SNX13: variants seen among roughly 807,000 people sequenced by gnomAD.
SNX13 encodes the protein sorting nexin-13.
Under a neutral mutation model 133.6 loss-of-function variants are expected in SNX13, and 45 were observed. That is an observed-to-expected ratio of 0.34 (90% confidence interval 0.27 to 0.43). The LOEUF (loss-of-function observed/expected upper bound fraction) is 0.43, where lower values mean the gene tolerates loss of function less well. Among genes scored for constraint, SNX13 ranks in the 20% least tolerant of loss-of-function variants. The pLI is 1.00. For missense variants in SNX13, 1,032 were observed against 1,145.1 expected, an observed-to-expected ratio of 0.90 and a Z score of 1.43; for synonymous variants, 414 against 373.9, an observed-to-expected ratio of 1.11 and a Z score of -1.24.
chr7:17,845,478 T>C (rs1790406116), intron 12 of SNX13, 117 bp downstream of exon 12: 1 of 633,668 alleles, frequency 1.6e-6, no homozygotes, highest in African/African-American at 1.9e-5. Flanking sequence ...ACATTTAATA[T>C]CACTGAACTA....
intron 13 of SNX13, among the ~76,000 whole-genome samples, chr7:17,836,464 AT>A (rs1441914248): frequency 6.6e-6 from 1 of 152,000 alleles, no homozygotes; most frequent in Admixed American, 6.6e-5. Flanking sequence ...GTGCAGTGAG[AT>A]TATGCACTCC....
Position 17,794,033 on chromosome 7 carries a change from T to A in SNX13, c.*12A>T, listed in dbSNP as rs374059307. The A allele has an allele frequency of 1.2e-6, 2 of 1,609,530 alleles. No homozygotes were observed. The highest frequency in any genetic ancestry group is 1.7e-6 in the Non-Finnish European group (2 of 1,177,304). Reference sequence around the variant, plus strand: ...CTGGACAAAATGAACACCAGCTTCATAGAGTGGAGTGTCACCTTTTCTGCA... The same window carrying A: ...CTGGACAAAATGAACACCAGCTTCAAAGAGTGGAGTGTCACCTTTTCTGCA... On this transcript the variant is annotated 3_prime_UTR_variant, in exon 26 of 26. Transcript: ENST00000428135.
At chr7:17,806,074 G>A (rs55819885) in intron 20 of SNX13, among the ~76,000 whole-genome samples, 24,745 of 152,156 alleles carry the variant, frequency 0.16, 2,168 homozygotes, top group South Asian at 0.23. Flanking sequence ...CCAGCTAAGT[G>A]TACACTTAGC....
At position 17,934,074 on chromosome 7, in the gene SNX13, T is replaced by C. The variant is rs566495206; in HGVS notation, c.12+6210A>G. 5.9e-5 allele frequency among the ~76,000 whole-genome samples: 9 copies of C among 152,338 alleles called. No homozygotes were observed. In the South Asian group the frequency reaches 1.7e-3, roughly 28 times the overall value. ...TGTTGCCATATGTATAATTTGTTGA[T>C]AGACACAGTATTTATCACTATCACT... On this transcript the variant is annotated intron_variant, in intron 1 of 25. Transcript: ENST00000428135.
chr7:17,927,488 T>A (rs1349586560), intron 1 of SNX13, among the ~76,000 whole-genome samples: 1 of 151,970 alleles, frequency 6.6e-6, no homozygotes, highest in East Asian at 1.9e-4. Flanking sequence ...AGCAATCCTT[T>A]CACCTCAGCC....
chr7:17,857,044 G>A (rs986687376), intron 9 of SNX13, among the ~76,000 whole-genome samples: 31 of 152,070 alleles, frequency 2.0e-4, no homozygotes, highest in African/African-American at 7.5e-4. Flanking sequence ...AATCAGAGAT[G>A]AAAATGGATA....
intron 1 of SNX13, among the ~76,000 whole-genome samples, chr7:17,926,046 G>C (rs1447111668): frequency 1.3e-5 from 2 of 152,118 alleles, no homozygotes; most frequent in Admixed American, 6.5e-5. Flanking sequence ...ATTTTAAAAA[G>C]TGACATAATA....
At position 17,820,363 on chromosome 7, in the gene SNX13, A is replaced by G. The variant is rs7805385; in HGVS notation, c.1845+1146T>C. On this transcript the variant is annotated intron_variant, in intron 18 of 25. Coordinates refer to ENST00000428135, the MANE Select transcript of SNX13 (RefSeq NM_015132.5). Reference sequence around the variant, plus strand: ...GCTATATGCTTTTAAAATATCAAACAGGTAATATTTTAAAAAGTAAAGCAA... The same window carrying G: ...GCTATATGCTTTTAAAATATCAAACGGGTAATATTTTAAAAAGTAAAGCAA... Among the ~76,000 whole-genome samples the G allele has an allele frequency of 3.8e-3, 562 of 149,408 alleles. 5 individuals carry two copies. Among genetic ancestry groups the G allele is most frequent in the African/African-American group, 0.014 (537 of 38,844 alleles).
intron 13 of SNX13, among the ~76,000 whole-genome samples, chr7:17,838,746 T>C (rs1434201276): frequency 6.6e-6 from 1 of 151,870 alleles, no homozygotes; most frequent in Non-Finnish European, 1.5e-5. Flanking sequence ...AATTTTCAAT[T>C]ATTTGTAGTT....
chr7:17,937,727 A>C (rs1802277402), intron 1 of SNX13, among the ~76,000 whole-genome samples: 1 of 152,202 alleles, frequency 6.6e-6, no homozygotes, highest in Admixed American at 6.5e-5. Flanking sequence ...CACAATGTGG[A>C]ATAAGAGGAC....
intron 12 of SNX13, among the ~76,000 whole-genome samples, chr7:17,843,570 G>C (rs990136492): frequency 6.6e-6 from 1 of 151,902 alleles, no homozygotes. Context: ...CAATATACCA[G>C]GTAGATTTAA....
chr7:17,912,316 A>G (rs1799069160), intron 1 of SNX13, among the ~76,000 whole-genome samples: 1 of 152,162 alleles, frequency 6.6e-6, no homozygotes, highest in South Asian at 2.1e-4. Flanking sequence ...TCTCCCAAAC[A>G]CTGACACTAA....
intron 2 of SNX13, among the ~76,000 whole-genome samples, chr7:17,894,985 T>C (rs1472571215): frequency 1.3e-5 from 2 of 152,222 alleles, no homozygotes; most frequent in Non-Finnish European, 2.9e-5. Flanking sequence ...TCAGAATTAC[T>C]GCTAAATGTC....
chr7:17,809,282 C>CAAAAAAAAAAAAAAAAAA (rs535077123), intron 20 of SNX13, among the ~76,000 whole-genome samples: 2 of 49,274 alleles, frequency 4.1e-5, no homozygotes, highest in African/African-American at 8.1e-5. Flanking sequence ...AGATGGAAAG[C>CAAAAAAAAAAAAAAAAAA]AAAAAAAAAA....
intron 1 of SNX13, among the ~76,000 whole-genome samples, chr7:17,910,570 C>A: frequency 6.6e-6 from 1 of 151,768 alleles, no homozygotes; most frequent in African/African-American, 2.4e-5. Flanking sequence ...ATGTACATAC[C>A]CAAAATAATT....
At chr7:17,927,131 T>C (rs1331419675) in intron 1 of SNX13, among the ~76,000 whole-genome samples, 1 of 151,448 alleles carries the variant, frequency 6.6e-6, no homozygotes, top group East Asian at 1.9e-4. Context: ...AACTATGCTC[T>C]TGACATTTTT....
intron 9 of SNX13, among the ~76,000 whole-genome samples, chr7:17,865,637 A>G (rs1793305674): frequency 6.6e-6 from 1 of 152,122 alleles, no homozygotes; most frequent in Non-Finnish European, 1.5e-5. Context: ...ATAATCCCAA[A>G]ATGTATTAAT....
chr7:17,812,826 T>C (rs1471640633), intron 20 of SNX13, among the ~76,000 whole-genome samples: 1 of 152,100 alleles, frequency 6.6e-6, no homozygotes, highest in Non-Finnish European at 1.5e-5. Flanking sequence ...TATAAAAGGA[T>C]GAGTTCATGT....
chr7:17,930,864 C>A (rs1351122868), intron 1 of SNX13, among the ~76,000 whole-genome samples: 1 of 152,088 alleles, frequency 6.6e-6, no homozygotes. Flanking sequence ...AGGAGCACTA[C>A]CCCTATTGTG....
Sources: gnomAD v4.1 joint callset for allele counts (sites outside exome capture counted in the v4.1 genomes callset) on GRCh38, gnomAD v4.1.1 for gene constraint, MANE v1.5 for transcripts, NCBI Gene and HGNC (gene_info 2026-07-23, HGNC 2026-07-21) for gene names.